SMG6: variants seen among roughly 807,000 people sequenced by gnomAD.
SMG6 encodes SMG6 nonsense mediated mRNA decay factor, also known as telomerase-binding protein EST1A.
In SMG6, 66 loss-of-function variants were observed where a neutral mutation model predicts 142.2. The observed-to-expected ratio is 0.46, with a 90% CI of 0.38 to 0.57. SMG6 has a LOEUF of 0.57. Among genes scored for constraint, SMG6 ranks in the 20% least tolerant of loss-of-function variants. SMG6 has a pLI of 0.00. For missense variants in SMG6, 1,793 were observed against 1,832.0 expected, an observed-to-expected ratio of 0.98 and a Z score of 0.39; for synonymous variants, 779 against 702.4, an observed-to-expected ratio of 1.11 and a Z score of -1.72.
In SMG6 at chr17:2,061,597, C is replaced by T; in HGVS notation, c.4155G>A (p.Glu1385=). The T allele has an allele frequency of 6.4e-7, 1 of 1,572,658 alleles. No homozygotes were observed. The highest frequency in any genetic ancestry group is 1.2e-5 in the South Asian group (1 of 85,890). ...SKEEPIRLLR[E]VVLLTDDRNL... ...TCCGGTCATCCGTCAACAGCACCAC[C>T]TCCCGCAGTAGCCGGATTGGCTCCT... Residue 1385 remains glutamate (E), a synonymous_variant, in exon 19 of 19, where the codon GAG becomes GAA. Coordinates refer to ENST00000263073, the MANE Select transcript of SMG6 (RefSeq NM_017575.5).
At chr17:2,245,527 G>C (rs216220) in intron 8 of SMG6, among the ~76,000 whole-genome samples, 3 of 151,894 alleles carry the variant, frequency 2.0e-5, no homozygotes, top group Non-Finnish European at 4.4e-5. Context: ...TGGGATTACA[G>C]GCATGCACCC....
intron 8 of SMG6, among the ~76,000 whole-genome samples, chr17:2,269,182 T>C (rs576344958): frequency 1.2e-3 from 161 of 138,948 alleles, no homozygotes; most frequent in African/African-American, 4.2e-3. Flanking sequence ...ATCGCAGCAC[T>C]GCACTCCAGC....
chr17:2,164,499 T>C (rs1319290343), intron 13 of SMG6, among the ~76,000 whole-genome samples: 1 of 151,992 alleles, frequency 6.6e-6, no homozygotes, highest in Non-Finnish European at 1.5e-5. Flanking sequence ...TCCCAGCTAC[T>C]AGGGAGACTG....
intron 1 of SMG6, among the ~76,000 whole-genome samples, chr17:2,302,428 C>T (rs1456067012): frequency 6.6e-6 from 1 of 152,124 alleles, no homozygotes; most frequent in Non-Finnish European, 1.5e-5. Flanking sequence ...ACAGTCCAAG[C>T]TACTGGGGAG....
chr17:2,197,627 C>CTCTCAAAACTTA (rs1244170140), intron 10 of SMG6, among the ~76,000 whole-genome samples: 1 of 151,584 alleles, frequency 6.6e-6, no homozygotes, highest in Non-Finnish European at 1.5e-5. Context: ...CAAAACTTAA[C>CTCTCAAAACTTA]AGTAAGAAAA....
At chr17:2,119,466 T>A in intron 13 of SMG6, among the ~76,000 whole-genome samples, 1 of 152,018 alleles carries the variant, frequency 6.6e-6, no homozygotes, top group South Asian at 2.1e-4. Flanking sequence ...AGTGCTGGGA[T>A]TATAGGCATT....
intron 8 of SMG6, among the ~76,000 whole-genome samples, chr17:2,269,711 G>A (rs1044947015): frequency 6.6e-6 from 1 of 152,122 alleles, no homozygotes; most frequent in Non-Finnish European, 1.5e-5. Flanking sequence ...AAAATCACGA[G>A]AGATTTGGGA....
chr17:2,131,740 A>G (rs2070128846), intron 13 of SMG6, among the ~76,000 whole-genome samples: 1 of 152,202 alleles, frequency 6.6e-6, no homozygotes, highest in Admixed American at 6.5e-5. Flanking sequence ...TAGCTGACAA[A>G]GATTCATATT....
chr17:2,109,464 A>C (rs2069248553), intron 13 of SMG6, among the ~76,000 whole-genome samples: 1 of 152,258 alleles, frequency 6.6e-6, no homozygotes, highest in African/African-American at 2.4e-5. Context: ...GGGTTTCGCC[A>C]TGTTGGCCAG....
At chr17:2,143,683 C>T (rs571786467) in intron 13 of SMG6, among the ~76,000 whole-genome samples, 34 of 152,244 alleles carry the variant, frequency 2.2e-4, no homozygotes, top group African/African-American at 8.2e-4. Flanking sequence ...TATAATGAAA[C>T]AACGGAATTG....
At chr17:2,065,381 C>A (rs1299494198) in intron 17 of SMG6, 87 bp downstream of exon 17, 2 of 1,367,674 alleles carry the variant, frequency 1.5e-6, no homozygotes, top group African/African-American at 2.9e-5. Context: ...GCTGCCCAGG[C>A]TGATGGGCCT....
intron 18 of SMG6, 99 bp downstream of exon 18, chr17:2,064,974 C>T (rs1201151695): frequency 2.1e-6 from 2 of 950,258 alleles, no homozygotes; most frequent in Non-Finnish European, 3.3e-6. Flanking sequence ...TTAGACTTCC[C>T]AGGCCAGAGT....
Position 2,300,075 on chromosome 17 carries a change from C to T in SMG6, c.678G>A (p.Val226=). 1.2e-6 allele frequency: 2 copies of T among 1,613,656 alleles called. No individual in the cohort carries two copies. The highest frequency in any genetic ancestry group is 2.2e-5 in the South Asian group (2 of 91,074). Residue 226 remains valine, a synonymous_variant, in exon 2 of 19, where the codon GTG becomes GTA. Coordinates refer to ENST00000263073, the MANE Select transcript of SMG6 (RefSeq NM_017575.5). Reference sequence around the variant, plus strand: ...GGGCTGGGTCGTCGTGGGTTTCCCTCACCCCCTCCCCTTTTCCCATCCTCT... The same window carrying T: ...GGGCTGGGTCGTCGTGGGTTTCCCTTACCCCCTCCCCTTTTCCCATCCTCT... ...KGKRMGKGEG[V]RETHDDPARG...
intron 10 of SMG6, among the ~76,000 whole-genome samples, chr17:2,220,706 C>T (rs758766890): frequency 4.6e-5 from 7 of 152,130 alleles, no homozygotes; most frequent in Non-Finnish European, 1.0e-4. Flanking sequence ...TTTGCCATTA[C>T]TATTATTTGT....
chr17:2,224,086 G>A (rs996069574), intron 10 of SMG6, among the ~76,000 whole-genome samples: 4 of 152,122 alleles, frequency 2.6e-5, no homozygotes, highest in Admixed American at 6.6e-5. Flanking sequence ...TTTTTGAAAA[G>A]CATTCGTGAG....
intron 10 of SMG6, among the ~76,000 whole-genome samples, chr17:2,203,585 T>A (rs2072595112): frequency 6.6e-6 from 1 of 152,190 alleles, no homozygotes; most frequent in Non-Finnish European, 1.5e-5. Flanking sequence ...ATACAGCAGA[T>A]ATGAGGTGTC....
intron 13 of SMG6, among the ~76,000 whole-genome samples, chr17:2,148,270 G>T (rs2070727977): frequency 1.3e-5 from 2 of 152,110 alleles, no homozygotes; most frequent in African/African-American, 4.8e-5. Context: ...CTACTTCTGG[G>T]TATACACCCA....
chr17:2,098,167 A>G (rs995017999), intron 13 of SMG6, among the ~76,000 whole-genome samples: 3 of 152,070 alleles, frequency 2.0e-5, no homozygotes, highest in Admixed American at 6.6e-5. Context: ...TGTTCTGTAG[A>G]GACGGGGTTT....
intron 15 of SMG6, among the ~76,000 whole-genome samples, chr17:2,078,861 GAC>G (rs1306035749): frequency 6.6e-6 from 1 of 152,188 alleles, no homozygotes; most frequent in African/African-American, 2.4e-5. Flanking sequence ...AGGGCCCAAA[GAC>G]AAAGGGAGGT....
Sources: allele counts gnomAD v4.1 joint callset (sites outside exome capture counted in the v4.1 genomes callset), GRCh38; gene constraint gnomAD v4.1.1; transcripts MANE v1.5; gene names NCBI Gene and HGNC (gene_info 2026-07-23, HGNC 2026-07-21).